Variants in DCDC2 observed in about 807,000 individuals in gnomAD.
DCDC2 encodes the protein doublecortin domain containing 2.
Under a neutral mutation model 50.2 loss-of-function variants are expected in DCDC2, and 40 were observed. The observed-to-expected ratio is 0.80, with a 90% confidence interval of 0.62 to 1.04. The LOEUF (loss-of-function observed/expected upper bound fraction) is 1.04. Ranked by LOEUF, DCDC2 falls within the 50% of genes least tolerant of loss-of-function variation. The pLI, the probability that DCDC2 is intolerant of heterozygous loss-of-function variation, is 0.00. For missense variants in DCDC2, 570 were observed against 581.9 expected, an observed-to-expected ratio of 0.98 and a Z score of 0.21; for synonymous variants, 234 against 210.6, an observed-to-expected ratio of 1.11 and a Z score of -0.96.
At chr6:24,279,411 T>C (rs1301762554) in intron 6 of DCDC2, among the ~76,000 whole-genome samples, 1 of 151,932 alleles carries the variant, frequency 6.6e-6, no homozygotes, top group Non-Finnish European at 1.5e-5. Context: ...CCTCCATCTC[T>C]AAAATTAACA....
chr6:24,233,825 T>A (rs989754081), intron 7 of DCDC2, among the ~76,000 whole-genome samples: 1 of 152,220 alleles, frequency 6.6e-6, no homozygotes, highest in Non-Finnish European at 1.5e-5. Flanking sequence ...AATCTACATA[T>A]CTTTGTATAT....
intron 7 of DCDC2, among the ~76,000 whole-genome samples, chr6:24,240,333 A>G (rs1762540601): frequency 6.6e-6 from 1 of 152,192 alleles, no homozygotes; most frequent in Non-Finnish European, 1.5e-5. Flanking sequence ...TTAATTGAAC[A>G]CTGAGTTTAT....
intron 8 of DCDC2, among the ~76,000 whole-genome samples, chr6:24,179,971 A>AAC (rs1554142617): frequency 1.4e-5 from 2 of 148,052 alleles, no homozygotes; most frequent in East Asian, 4.0e-4. Context: ...AAAAAAAAAA[A>AAC]CAAGGGGTGG....
intron 1 of DCDC2, 136 bp downstream of exon 1, chr6:24,357,322 G>C: frequency 3.9e-6 from 4 of 1,038,082 alleles, no homozygotes; most frequent in Non-Finnish European, 5.4e-6. Flanking sequence ...CGAGAGTTTT[G>C]AGGGGCATCA....
chr6:24,282,000 A>T (rs966204626), intron 6 of DCDC2, among the ~76,000 whole-genome samples: 3 of 152,190 alleles, frequency 2.0e-5, no homozygotes, highest in Non-Finnish European at 4.4e-5. Context: ...TGGTTCCCTA[A>T]AACAGCCATC....
At chr6:24,257,697 G>GGAA (rs1561746209) in intron 7 of DCDC2, among the ~76,000 whole-genome samples, 1 of 138,040 alleles carries the variant, frequency 7.2e-6, no homozygotes, top group South Asian at 2.4e-4. Flanking sequence ...TGAAGTTGGG[G>GGAA]AAAAAAAAAA....
the DCDC2 span, among the ~76,000 whole-genome samples, chr6:24,377,543 G>T: frequency 6.6e-6 from 1 of 152,068 alleles, no homozygotes; most frequent in Non-Finnish European, 1.5e-5. Context: ...AAAAAAGACT[G>T]GTTGTGTTGT....
intron 8 of DCDC2, among the ~76,000 whole-genome samples, chr6:24,193,867 A>G (rs1249883257): frequency 1.3e-5 from 2 of 152,164 alleles, no homozygotes; most frequent in African/African-American, 4.8e-5. Flanking sequence ...ATACAAAGCA[A>G]GATAAATCCA....
intron 1 of DCDC2, among the ~76,000 whole-genome samples, chr6:24,354,324 T>C (rs1760426814): frequency 6.6e-6 from 1 of 152,208 alleles, no homozygotes. Context: ...CTGTGCTTCA[T>C]ACATAAAATG....
chr6:24,267,073 G>A (rs1371532004), intron 7 of DCDC2, among the ~76,000 whole-genome samples: 1 of 152,146 alleles, frequency 6.6e-6, no homozygotes, highest in Non-Finnish European at 1.5e-5. Context: ...AACTTTGCAT[G>A]TTCTCATTCA....
the DCDC2 span, among the ~76,000 whole-genome samples, chr6:24,381,959 AGAAGGAAGGAAG>A: frequency 1.3e-4 from 13 of 103,580 alleles, no homozygotes; most frequent in Admixed American, 2.1e-4. Context: ...AAGGAAAGAA[AGAAGGAAGGAAG>A]GAAGGAAGGA....
rs149928527 is a variant in DCDC2 at position 24,222,155 on chromosome 6, T to G, written c.923-17053A>C. On this transcript the variant is annotated intron_variant, in intron 7 of 9. Transcript: ENST00000378454. ...ACAATAAATCACAACTGTAGGGCAG[T>G]GTACAAATTAAACTTTGGAGGAACA... is the stretch of plus-strand genomic sequence containing the variant. Among the ~76,000 whole-genome samples, 3 of 152,258 alleles carry G rather than the reference T, an allele frequency of 2.0e-5. No individual in the cohort carries two copies. In the East Asian group the frequency reaches 5.8e-4, roughly 29 times the overall value.
At chr6:24,335,317 G>A (rs1206507044) in intron 2 of DCDC2, among the ~76,000 whole-genome samples, 1 of 152,182 alleles carries the variant, frequency 6.6e-6, no homozygotes, top group Non-Finnish European at 1.5e-5. Context: ...GAGACTTGAG[G>A]TTGCCTCCTC....
chr6:24,180,717 C>T (rs893840685), intron 8 of DCDC2, among the ~76,000 whole-genome samples: 1 of 151,810 alleles, frequency 6.6e-6, no homozygotes, highest in Non-Finnish European at 1.5e-5. Flanking sequence ...AGTTTGGAAC[C>T]CAGTTAGCCC....
chr6:24,265,215 A>C (rs1006756133), intron 7 of DCDC2, among the ~76,000 whole-genome samples: 5 of 152,228 alleles, frequency 3.3e-5, no homozygotes, highest in Non-Finnish European at 5.9e-5. Flanking sequence ...TAATTCAGCA[A>C]GAGGATGTAA....
rs765897825 is a variant in DCDC2, at chr6:24,174,701, G to A, written c.*29C>T. 1.6e-5 allele frequency: 24 copies of A among 1,473,486 alleles called. No homozygotes were observed. Among genetic ancestry groups the A allele is most frequent in the Middle Eastern group, 1.7e-4 (1 of 5,800 alleles). 91.3% of individuals were successfully genotyped at this position (1,473,486 alleles called of 1,614,324 possible). On this transcript the variant is annotated 3_prime_UTR_variant, in exon 10 of 10. Transcript: ENST00000378454. ...TATGATAACCCTTCATTTTTCTTGC[G>A]ATCCATATACTCTCTTTTTAAAAAT...
chr6:24,298,665 G>A (rs1046171512), intron 4 of DCDC2, among the ~76,000 whole-genome samples: 19 of 152,086 alleles, frequency 1.2e-4, no homozygotes, highest in Non-Finnish European at 8.8e-5. Context: ...ATAAGAAATA[G>A]TCAATAGATG....
chr6:24,357,184 C>A, intron 1 of DCDC2: 1 of 341,126 alleles, frequency 2.9e-6, no homozygotes, highest in Non-Finnish European at 5.3e-6. Context: ...CTAACCTTTG[C>A]AAGGATACCT....
In DCDC2 at chr6:24,357,839, G is replaced by A. The variant is rs200585893; in HGVS notation, c.-89C>T. On this transcript the variant is annotated 5_prime_UTR_variant, in exon 1 of 10. Coordinates refer to ENST00000378454, the MANE Select transcript of DCDC2 (RefSeq NM_016356.5). ...CGGCCTCACCGCACCCAGGGCGCGGGATCGCCTCCTGAAACGAACGAGAAA... is the reference window on the plus strand; with the variant it reads ...CGGCCTCACCGCACCCAGGGCGCGGAATCGCCTCCTGAAACGAACGAGAAA... 4 of 1,598,856 alleles carry A rather than the reference G, an allele frequency of 2.5e-6. No individual in the cohort carries two copies. The highest frequency in any genetic ancestry group is 3.4e-5 in the Admixed American group (2 of 58,702).
Sources: allele counts gnomAD v4.1 joint callset (sites outside exome capture counted in the v4.1 genomes callset), GRCh38; gene constraint gnomAD v4.1.1; transcripts MANE v1.5; gene names NCBI Gene and HGNC (gene_info 2026-07-23, HGNC 2026-07-21).